Variants in CLSTN2 observed in about 807,000 individuals in gnomAD.
The protein encoded by CLSTN2 is calsyntenin 2.
CLSTN2 carries 48 observed loss-of-function variants against 101.2 expected under a neutral mutation model. The observed-to-expected ratio is 0.47, with a 90% CI of 0.38 to 0.60. The LOEUF is 0.60. Ranked by LOEUF, CLSTN2 falls within the 20% of genes least tolerant of loss-of-function variation. CLSTN2 has a pLI of 0.00. For missense variants in CLSTN2, 1,160 were observed against 1,238.2 expected, an observed-to-expected ratio of 0.94 and a Z score of 0.95; for synonymous variants, 481 against 463.6, an observed-to-expected ratio of 1.04 and a Z score of -0.48.
At chr3:140,443,807 C>T (rs1282546206) in intron 5 of CLSTN2, among the ~76,000 whole-genome samples, 1 of 152,192 alleles carries the variant, frequency 6.6e-6, no homozygotes, top group Non-Finnish European at 1.5e-5. Flanking sequence ...CTCGTGCTAC[C>T]ATAAGCCCAC....
At position 140,283,508 on chromosome 3, in the gene CLSTN2, G is replaced by A. The variant is rs80093254; in HGVS notation, c.232+107435G>A. Reference sequence around the variant, plus strand: ...ATTGTATTACCCTTGCTTTATGGAGGGGGAATATGGACTTCATGAGGGGTT... The same window carrying A: ...ATTGTATTACCCTTGCTTTATGGAGAGGGAATATGGACTTCATGAGGGGTT... On this transcript the variant is annotated intron_variant, in intron 2 of 16. Coordinates refer to ENST00000458420, the MANE Select transcript of CLSTN2 (RefSeq NM_022131.3). Among the ~76,000 whole-genome samples the A allele has an allele frequency of 9.9e-3, 1,502 of 152,202 alleles. 25 individuals carry two copies. Among genetic ancestry groups the A allele is most frequent in the African/African-American group, 0.033 (1,385 of 41,540 alleles).
intron 1 of CLSTN2, among the ~76,000 whole-genome samples, chr3:139,998,336 C>CTTTTTTTTTGTTTTTTTTTTTTT (rs2006730223): frequency 1.5e-5 from 1 of 66,814 alleles, no homozygotes; most frequent in Non-Finnish European, 2.4e-5. Flanking sequence ...CCCCACATGC[C>CTTTTTTTTTGTTTTTTTTTTTTT]TTTTTTTTTT....
chr3:140,107,683 C>T (rs187720316), intron 1 of CLSTN2, among the ~76,000 whole-genome samples: 53 of 152,288 alleles, frequency 3.5e-4, no homozygotes, highest in African/African-American at 1.1e-3. Flanking sequence ...ATAAAGTCCA[C>T]AGGCAAAGTA....
At chr3:139,959,934 T>C (rs996000067) in intron 1 of CLSTN2, among the ~76,000 whole-genome samples, 2 of 152,270 alleles carry the variant, frequency 1.3e-5, no homozygotes, top group East Asian at 1.9e-4. Flanking sequence ...CCCTACCAGC[T>C]TATTCTCCTG....
intron 2 of CLSTN2, among the ~76,000 whole-genome samples, chr3:140,340,474 G>A (rs904853446): frequency 6.6e-6 from 1 of 152,218 alleles, no homozygotes; most frequent in South Asian, 2.1e-4. Context: ...GTTGTTAACA[G>A]TAGTTATGCC....
chr3:140,037,749 A>G (rs571135030), intron 1 of CLSTN2, among the ~76,000 whole-genome samples: 1 of 152,136 alleles, frequency 6.6e-6, no homozygotes, highest in South Asian at 2.1e-4. Flanking sequence ...CCATGTGTTC[A>G]TGAGTTCTCA....
At chr3:140,412,995 C>T (rs2088382798) in intron 4 of CLSTN2, among the ~76,000 whole-genome samples, 1 of 151,888 alleles carries the variant, frequency 6.6e-6, no homozygotes, top group African/African-American at 2.4e-5. Context: ...GGAACTAGAA[C>T]AAGAACAAAC....
chr3:140,178,991 AT>A (rs535891624), intron 2 of CLSTN2, among the ~76,000 whole-genome samples: 2 of 151,912 alleles, frequency 1.3e-5, no homozygotes, highest in South Asian at 2.1e-4. Context: ...TCCCCCTTTA[AT>A]TTTTTTTAAG....
intron 1 of CLSTN2, among the ~76,000 whole-genome samples, chr3:139,989,428 T>C (rs577664933): frequency 9.9e-4 from 151 of 152,318 alleles, no homozygotes; most frequent in African/African-American, 3.4e-3. Flanking sequence ...ATCTTTTCTG[T>C]TGCAGAGAGT....
At chr3:140,427,217 A>ATATATG (rs1559866747) in intron 5 of CLSTN2, among the ~76,000 whole-genome samples, 21 of 84,684 alleles carry the variant, frequency 2.5e-4, no homozygotes, top group African/African-American at 1.5e-3. Context: ...GTATATATAT[A>ATATATG]TATATATGTG....
At chr3:140,384,766 G>A (rs1173300650) in intron 2 of CLSTN2, among the ~76,000 whole-genome samples, 2 of 152,202 alleles carry the variant, frequency 1.3e-5, no homozygotes, top group Non-Finnish European at 2.9e-5. Context: ...GCTGTCATTT[G>A]TCTTTCTTCT....
In CLSTN2 at chr3:140,214,862, G is replaced by A. The variant is rs186034236; in HGVS notation, c.232+38789G>A. ...CTGTTTTCTTACACTTTGGAAAAGC[G>A]TAGGTGCCATATATTTTTGAAGTCT... On this transcript the variant is annotated intron_variant, in intron 2 of 16. Transcript: ENST00000458420. Among the ~76,000 whole-genome samples the A allele has an allele frequency of 3.2e-3, 489 of 152,250 alleles. 1 individual carries two copies. The highest frequency in any genetic ancestry group is 0.011 in the African/African-American group (445 of 41,546).
intron 1 of CLSTN2, among the ~76,000 whole-genome samples, chr3:140,142,862 C>A (rs183766134): frequency 6.6e-4 from 101 of 152,300 alleles, no homozygotes; most frequent in Middle Eastern, 3.4e-3. Context: ...CTGTCCACCC[C>A]ACAGGAAGTC....
intron 1 of CLSTN2, among the ~76,000 whole-genome samples, chr3:140,085,277 C>A (rs934977094): frequency 2.6e-5 from 4 of 152,188 alleles, no homozygotes; most frequent in African/African-American, 9.7e-5. Flanking sequence ...AGAACGTGTT[C>A]CCCTGTTTGC....
intron 1 of CLSTN2, among the ~76,000 whole-genome samples, chr3:140,039,595 C>T (rs562667620): frequency 2.0e-4 from 31 of 152,228 alleles, no homozygotes; most frequent in Non-Finnish European, 4.1e-4. Context: ...ACAACTGATT[C>T]AGATTAAGGG....
chr3:140,524,247 G>A (rs1344400131), intron 8 of CLSTN2, among the ~76,000 whole-genome samples: 2 of 151,892 alleles, frequency 1.3e-5, no homozygotes, highest in African/African-American at 4.8e-5. Flanking sequence ...TGAAGTACCT[G>A]TAGAACATCC....
intron 9 of CLSTN2, among the ~76,000 whole-genome samples, chr3:140,542,494 C>T (rs772479659): frequency 2.6e-5 from 4 of 152,134 alleles, no homozygotes; most frequent in Admixed American, 1.3e-4. Flanking sequence ...AGAGGAGTCA[C>T]GTGGCCTATG....
At chr3:139,962,341 A>G (rs1352348199) in intron 1 of CLSTN2, among the ~76,000 whole-genome samples, 2 of 152,168 alleles carry the variant, frequency 1.3e-5, no homozygotes, top group Non-Finnish European at 2.9e-5. Context: ...TGACGTATGT[A>G]TATACCCATC....
intron 2 of CLSTN2, among the ~76,000 whole-genome samples, chr3:140,228,193 C>T (rs374430007): frequency 7.2e-4 from 109 of 152,284 alleles, no homozygotes; most frequent in African/African-American, 2.4e-3. Flanking sequence ...TAACAGCACC[C>T]AAGTCACATC....
Sources: gnomAD v4.1 joint callset for allele counts (sites outside exome capture counted in the v4.1 genomes callset) on GRCh38, gnomAD v4.1.1 for gene constraint, MANE v1.5 for transcripts, NCBI Gene and HGNC (gene_info 2026-07-23, HGNC 2026-07-21) for gene names.